HERC1: variants seen among roughly 807,000 people sequenced by gnomAD.
HERC1 encodes the protein probable E3 ubiquitin-protein ligase HERC1.
A neutral mutation model predicts 554.3 loss-of-function variants in HERC1; 160 were observed. The observed-to-expected ratio is 0.29, with a 90% confidence interval of 0.25 to 0.33. The LOEUF is 0.33. HERC1 is among the 10% of genes least tolerant of loss of function. HERC1 has a pLI of 1.00. For missense variants in HERC1, 4,919 were observed against 5,918.5 expected (o/e 0.83, Z 5.54); for synonymous variants, 2,175 against 2,131.7 (o/e 1.02, Z -0.56).
intron 2 of HERC1, among the ~76,000 whole-genome samples, chr15:63,771,430 CA>C (rs767018904): frequency 6.6e-5 from 9 of 135,994 alleles, no homozygotes; most frequent in Non-Finnish European, 1.1e-4. Context: ...CTGAGAAAAG[CA>C]ATCTAGTTTT....
In HERC1 at chr15:63,694,243, A is replaced by T. The variant is rs2072280510; in HGVS notation, c.5480+69T>A. The T allele has an allele frequency of 7.7e-6, 12 of 1,566,556 alleles. No homozygotes were observed. The highest frequency in any genetic ancestry group is 1.0e-5 in the Non-Finnish European group (12 of 1,154,288). On this transcript the variant is annotated intron_variant, in intron 29 of 77. Coordinates refer to ENST00000443617, the MANE Select transcript of HERC1 (RefSeq NM_003922.4). This position sits in a 1 kb window ranked among gnomAD's most constrained non-coding sequence, Gnocchi z 4.3. ...AAATACATAAAGCAGATTAGAGGGA[A>T]AGGGGGAATTCTAAAATGGAGGAAG...
intron 38 of HERC1, 112 bp from the exon 39 acceptor site, chr15:63,672,806 A>T: frequency 1.4e-6 from 1 of 699,496 alleles, no homozygotes; most frequent in Non-Finnish European, 2.4e-6. Context: ...AATATATTTC[A>T]CAAGCATCAA....
chr15:63,707,778 A>G (rs945102380), intron 24 of HERC1, among the ~76,000 whole-genome samples: 2 of 151,912 alleles, frequency 1.3e-5, no homozygotes, highest in African/African-American at 4.8e-5. Flanking sequence ...AAAATACAAA[A>G]GTTAGCTGGG....
intron 63 of HERC1, 49 bp downstream of exon 63, chr15:63,638,362 G>C: frequency 6.3e-7 from 1 of 1,579,022 alleles, no homozygotes; most frequent in Non-Finnish European, 8.6e-7. Flanking sequence ...AAAAGAATTA[G>C]AATTTTCAGT....
chr15:63,754,722 A>G (rs2075363347), intron 6 of HERC1, 74 bp from the exon 7 acceptor site: 1 of 1,359,736 alleles, frequency 7.4e-7, no homozygotes, highest in Non-Finnish European at 1.0e-6. Flanking sequence ...TCACAAGTAT[A>G]ATAAATGTTA....
chr15:63,705,163 T>C (rs2072937484), intron 25 of HERC1, among the ~76,000 whole-genome samples: 1 of 151,822 alleles, frequency 6.6e-6, no homozygotes, highest in Non-Finnish European at 1.5e-5. Context: ...TCTGTATTCT[T>C]TTTTTTTGAG....
chr15:63,766,565 T>A (rs2075785192), intron 2 of HERC1, among the ~76,000 whole-genome samples: 1 of 152,234 alleles, frequency 6.6e-6, no homozygotes, highest in Non-Finnish European at 1.5e-5. Flanking sequence ...GGTGACAGAA[T>A]GAGACTCCGT....
At position 63,616,447 on chromosome 15, in the gene HERC1, C is replaced by T. The variant is rs778403767; in HGVS notation, c.13924G>A (p.Glu4642Lys). 3 of 1,613,572 alleles carry T rather than the reference C, an allele frequency of 1.9e-6. No individual in the cohort carries two copies. Among genetic ancestry groups the T allele is most frequent in the Non-Finnish European group, 2.5e-6 (3 of 1,179,704 alleles). ...GGATTTACCTCATGGAAACTCTCCTCGGTAATCCCACTGTCTTCAATGTGA... is the reference window on the plus strand; with the variant it reads ...GGATTTACCTCATGGAAACTCTCCTTGGTAATCCCACTGTCTTCAATGTGA... The part of the protein sequence containing the change: ...ILHIEDSGIT[E>K]ESFHEMIPLD... The change falls in exon 75 of 78, where the codon GAG (glutamate) becomes AAG (lysine). Residue 4642 changes from glutamate to lysine, a missense_variant. By Grantham distance (56) the Glu-to-Lys change is moderately conservative (BLOSUM62 1). Transcript: ENST00000443617.
Position 63,649,734 on chromosome 15 carries a change from G to T in HERC1, c.10738C>A (p.Arg3580=), listed in dbSNP as rs769898077. Residue 3580 remains arginine (R), a synonymous_variant, in exon 54 of 78, where the codon CGA becomes AGA. Transcript: ENST00000443617. ...MHRRELEHCY[R]KDVSVTCIAW... Reference sequence around the variant, plus strand: ...AAGTGCAGTCATTTACCATCCTTTCGATAGCAATGCTCCAATTCTCGACGG... The same window carrying T: ...AAGTGCAGTCATTTACCATCCTTTCTATAGCAATGCTCCAATTCTCGACGG... 6 of 1,612,900 alleles carry T rather than the reference G, an allele frequency of 3.7e-6. No homozygotes were observed. Among genetic ancestry groups the T allele is most frequent in the South Asian group, 2.2e-5 (2 of 90,878 alleles).
intron 54 of HERC1, among the ~76,000 whole-genome samples, chr15:63,648,489 G>T (rs1052996098): frequency 1.3e-5 from 2 of 152,200 alleles, no homozygotes; most frequent in Non-Finnish European, 2.9e-5. Context: ...TTTGCTGATT[G>T]TAAGTCACCA....
At chr15:63,746,600 C>T (rs779825029) in intron 12 of HERC1, among the ~76,000 whole-genome samples, 1 of 152,030 alleles carries the variant, frequency 6.6e-6, no homozygotes, top group Non-Finnish European at 1.5e-5. Context: ...TAGGTCCTTG[C>T]CCTCAGGAAC....
intron 50 of HERC1, 104 bp downstream of exon 50, chr15:63,655,635 TAAG>T (rs2069990370): frequency 2.5e-6 from 2 of 795,756 alleles, no homozygotes; most frequent in Non-Finnish European, 3.9e-6. Flanking sequence ...GTTCTAAACT[TAAG>T]AAACTCACGT....
In HERC1 at chr15:63,767,470, C is replaced by T. The variant is rs141818232; in HGVS notation, c.931-3279G>A. 4.5e-3 allele frequency among the ~76,000 whole-genome samples: 683 copies of T among 152,142 alleles called. 3 individuals carry two copies. Among genetic ancestry groups the T allele is most frequent in the African/African-American group, 0.015 (637 of 41,526 alleles). The stretch of plus-strand genomic sequence containing the variant: ...TCCCCAGCACTTTGGGAGGCCAAGG[C>T]GGGTGGATCATCTGAGGTCAGGAGT... On this transcript the variant is annotated intron_variant, in intron 2 of 77. Transcript: ENST00000443617.
At chr15:63,647,323 G>A (rs562520748) in intron 55 of HERC1, among the ~76,000 whole-genome samples, 34 of 151,366 alleles carry the variant, frequency 2.2e-4, no homozygotes, top group African/African-American at 8.2e-4. Flanking sequence ...CAGTCAGGAT[G>A]GTTATTATTA....
At chr15:63,752,112 A>T (rs2075269117) in intron 8 of HERC1, among the ~76,000 whole-genome samples, 1 of 152,252 alleles carries the variant, frequency 6.6e-6, no homozygotes, top group East Asian at 1.9e-4. Flanking sequence ...GATATTCTTA[A>T]GGCAGCAACT....
intron 47 of HERC1, 134 bp from the exon 48 acceptor site, chr15:63,658,852 A>C (rs1328505057): frequency 6.5e-5 from 38 of 585,252 alleles, no homozygotes; most frequent in Non-Finnish European, 5.5e-5. Context: ...TTGGTTATAC[A>C]GAAAATTTCT....
chr15:63,812,922 G>A (rs2077375791), intron 1 of HERC1, among the ~76,000 whole-genome samples: 1 of 152,144 alleles, frequency 6.6e-6, no homozygotes, highest in African/African-American at 2.4e-5. Context: ...TAAATTGAAT[G>A]TAATACTTAA....
intron 33 of HERC1, among the ~76,000 whole-genome samples, chr15:63,689,004 G>A (rs960285246): frequency 3.3e-5 from 5 of 152,166 alleles, no homozygotes; most frequent in Admixed American, 2.6e-4. Context: ...AGGTATGGAT[G>A]AGACTGCTGG....
chr15:63,615,976 T>C (rs2067798007), intron 75 of HERC1, 56 bp from the exon 76 acceptor site: 1 of 1,394,142 alleles, frequency 7.2e-7, no homozygotes, highest in African/African-American at 1.5e-5. Flanking sequence ...CAGCAAAAAG[T>C]ATTTTACATA....
Sources: gnomAD v4.1 joint callset for allele counts (sites outside exome capture counted in the v4.1 genomes callset) on GRCh38, gnomAD v4.1.1 for gene constraint, Gnocchi (gnomAD v3.1) non-coding constraint, MANE v1.5 for transcripts, NCBI Gene and HGNC (gene_info 2026-07-23, HGNC 2026-07-21) for gene names.